USP34: variants seen among roughly 807,000 people sequenced by gnomAD.
USP34 encodes the protein ubiquitin carboxyl-terminal hydrolase 34.
A neutral mutation model predicts 460.3 loss-of-function variants in USP34; 70 were observed. The observed-to-expected ratio is 0.15, with a 90% CI of 0.13 to 0.19. The LOEUF (loss-of-function observed/expected upper bound fraction) is 0.19. Among genes scored for constraint, USP34 ranks in the 10% least tolerant of loss-of-function variants. The pLI is 1.00. For missense variants in USP34, 3,985 were observed against 4,236.2 expected (o/e 0.94, Z 1.65); for synonymous variants, 1,647 against 1,405.3 (o/e 1.17, Z -3.85).
Position 61,470,737 on chromosome 2 carries a change from A to C in USP34, c.-45T>G. The C allele has an allele frequency of 1.3e-6, 2 of 1,505,784 alleles. No homozygotes were observed. Among genetic ancestry groups the C allele is most frequent in the East Asian group, 2.7e-5 (1 of 37,544 alleles). 93.3% of individuals were successfully genotyped at this position (1,505,784 alleles called of 1,614,324 possible). On this transcript the variant is annotated 5_prime_UTR_variant, in exon 1 of 80. Coordinates refer to ENST00000398571, the MANE Select transcript of USP34 (RefSeq NM_014709.4). The stretch of plus-strand genomic sequence containing the variant: ...CCCTCCCCCGCTTCGGATCACACTG[A>C]CTGATCCCGACCGGCGGGGGGGAGG...
At chr2:61,371,815 T>G (rs1692637774) in intron 8 of USP34, among the ~76,000 whole-genome samples, 1 of 152,152 alleles carries the variant, frequency 6.6e-6, no homozygotes, top group African/African-American at 2.4e-5. Context: ...CTATTTTATC[T>G]TTTTTGCAGG....
intron 6 of USP34, among the ~76,000 whole-genome samples, chr2:61,381,565 G>A (rs1482511294): frequency 6.6e-6 from 1 of 152,050 alleles, no homozygotes; most frequent in Admixed American, 6.6e-5. Context: ...TGAACTCCTG[G>A]GCTCAGGTGA....
At chr2:61,436,790 T>C (rs1406821822) in intron 1 of USP34, among the ~76,000 whole-genome samples, 2 of 152,146 alleles carry the variant, frequency 1.3e-5, no homozygotes, top group Non-Finnish European at 2.9e-5. Context: ...TTTTAGGACA[T>C]AAAACAAGTC....
intron 1 of USP34, among the ~76,000 whole-genome samples, chr2:61,435,964 G>A (rs567990433): frequency 6.6e-6 from 1 of 152,192 alleles, no homozygotes; most frequent in Non-Finnish European, 1.5e-5. Context: ...GGAGGCGGAG[G>A]CTGCAGTAAA....
At chr2:61,203,370 T>C in intron 74 of USP34, 107 bp from the exon 75 acceptor site, 1 of 1,121,830 alleles carries the variant, frequency 8.9e-7, no homozygotes. Flanking sequence ...ATATTTATAT[T>C]CTATAAGAAC....
At chr2:61,208,067 T>G (rs187233820) in intron 70 of USP34, 3 of 152,444 alleles carry the variant, frequency 2.0e-5, no homozygotes, top group African/African-American at 7.2e-5. Context: ...ATTTTAACCC[T>G]GTAATAGTCC....
Position 61,278,457 on chromosome 2 carries a change from GAAAAT to G in USP34, c.5257-19_5257-15del, listed in dbSNP as rs1689438159. Reference sequence around the variant, plus strand: ...GAGGAGCGTTGTCTTAATACAAAAAGAAAATAAAAATTCAAATATAAATTTTTTAT... The same window carrying G: ...GAGGAGCGTTGTCTTAATACAAAAAGAAAAATTCAAATATAAATTTTTTAT... On this transcript the variant is annotated splice_polypyrimidine_tract_variant and intron_variant, in intron 39 of 79. Coordinates refer to ENST00000398571, the MANE Select transcript of USP34 (RefSeq NM_014709.4). 3 of 1,493,584 alleles carry G rather than the reference GAAAAT, an allele frequency of 2.0e-6. No individual in the cohort carries two copies. The highest frequency in any genetic ancestry group is 2.7e-6 in the Non-Finnish European group (3 of 1,122,482). 92.5% of individuals were successfully genotyped at this position (1,493,584 alleles called of 1,614,324 possible).
intron 78 of USP34, 61 bp from the exon 79 acceptor site, chr2:61,189,130 TAC>T: frequency 6.5e-7 from 1 of 1,531,888 alleles, no homozygotes; most frequent in Non-Finnish European, 8.9e-7. Context: ...TGCAGTTGTT[TAC>T]AGTTAATTGC....
chr2:61,367,304 GCGCGCGCACACACACA>G (rs753392422), intron 10 of USP34, among the ~76,000 whole-genome samples: 22 of 150,936 alleles, frequency 1.5e-4, no homozygotes, highest in Non-Finnish European at 2.8e-4. Flanking sequence ...AAGCACGAGT[GCGCGCGCACACACACA>G]CGCGCGCGCA....
intron 3 of USP34, among the ~76,000 whole-genome samples, chr2:61,405,232 C>CAAAAAAAAAA (rs199659618): frequency 1.3e-5 from 1 of 78,060 alleles, no homozygotes; most frequent in Non-Finnish European, 2.3e-5. Context: ...GACTCCATCT[C>CAAAAAAAAAA]AAAAAAAAAA....
intron 8 of USP34, among the ~76,000 whole-genome samples, chr2:61,377,715 TTGTTTA>T (rs1333102100): frequency 3.9e-5 from 6 of 152,202 alleles, no homozygotes; most frequent in African/African-American, 1.4e-4. Context: ...TAAATTTCTG[TTGTTTA>T]TAAGTCATCC....
At chr2:61,438,006 G>A (rs1259284343) in intron 1 of USP34, among the ~76,000 whole-genome samples, 2 of 151,456 alleles carry the variant, frequency 1.3e-5, no homozygotes, top group East Asian at 3.9e-4. Flanking sequence ...ACTCTACAAG[G>A]CCAGTATAAC....
chr2:61,273,353 G>A (rs1468223681), intron 41 of USP34, among the ~76,000 whole-genome samples: 1 of 152,130 alleles, frequency 6.6e-6, no homozygotes, highest in Non-Finnish European at 1.5e-5. Context: ...TAAAGAACTA[G>A]ATGAACTGAT....
intron 5 of USP34, among the ~76,000 whole-genome samples, chr2:61,394,447 G>T (rs998004198): frequency 5.4e-5 from 8 of 149,324 alleles, no homozygotes; most frequent in Non-Finnish European, 1.0e-4. Context: ...TCTAGTCCCA[G>T]CTACTCAGGA....
At chr2:61,445,658 A>G (rs189993657) in intron 1 of USP34, among the ~76,000 whole-genome samples, 28 of 151,964 alleles carry the variant, frequency 1.8e-4, no homozygotes, top group Admixed American at 1.7e-3. Context: ...ACTGTATAAA[A>G]TAATAATAAT....
At chr2:61,290,889 G>T (rs1689830321) in intron 33 of USP34, among the ~76,000 whole-genome samples, 10 of 152,110 alleles carry the variant, frequency 6.6e-5, no homozygotes, top group Admixed American at 6.5e-4. Flanking sequence ...CAATCTCTGT[G>T]TAAGGGGATT....
chr2:61,352,456 G>C (rs1691968289), intron 10 of USP34, among the ~76,000 whole-genome samples: 1 of 151,580 alleles, frequency 6.6e-6, no homozygotes, highest in Non-Finnish European at 1.5e-5. Flanking sequence ...TTGAAACCTT[G>C]TTGGGGTTTC....
chr2:61,349,348 G>GT (rs373012746), intron 12 of USP34, 63 bp from the exon 13 acceptor site: 14 of 1,522,622 alleles, frequency 9.2e-6, no homozygotes, highest in African/African-American at 6.9e-5. Context: ...TTGAGACAGC[G>GT]TATCAGTTGT....
At chr2:61,278,940 C>G (rs764550212) in intron 39 of USP34, among the ~76,000 whole-genome samples, 31 of 152,082 alleles carry the variant, frequency 2.0e-4, no homozygotes, top group Non-Finnish European at 1.0e-4. Flanking sequence ...TCCAAAAAAA[C>G]TTTACTTCTC....
Sources: gnomAD v4.1 joint callset for allele counts (sites outside exome capture counted in the v4.1 genomes callset) on GRCh38, gnomAD v4.1.1 for gene constraint, MANE v1.5 for transcripts, NCBI Gene and HGNC (gene_info 2026-07-23, HGNC 2026-07-21) for gene names.